Variants in SYNPO observed in about 807,000 individuals in gnomAD.
The protein encoded by SYNPO is synaptopodin.
A neutral mutation model predicts 49.5 loss-of-function variants in SYNPO; 19 were observed. The observed-to-expected ratio is 0.38, with a 90% CI of 0.27 to 0.56. The LOEUF (loss-of-function observed/expected upper bound fraction) is 0.56, where lower values mean the gene tolerates loss of function less well. SYNPO is among the 20% of genes least tolerant of loss of function. The probability of loss-of-function intolerance (pLI) is 0.68; values close to 1 mark genes in which losing one functional copy is unlikely to be tolerated. For synonymous variants in SYNPO, 536 were observed against 548.0 expected, an observed-to-expected ratio of 0.98 and a Z score of 0.31; for missense variants, 1,131 against 1,248.3, an observed-to-expected ratio of 0.91 and a Z score of 1.42.
At chr5:150,646,148 A>G (rs1348336349) in intron 1 of SYNPO, among the ~76,000 whole-genome samples, 1 of 150,332 alleles carries the variant, frequency 6.7e-6, no homozygotes, top group Non-Finnish European at 1.5e-5. Flanking sequence ...TGGGCAACAC[A>G]GGGAGACCCC....
chr5:150,633,151 CAG>C (rs2151389886), intron 2 of SYNPO, among the ~76,000 whole-genome samples: 1 of 152,292 alleles, frequency 6.6e-6, no homozygotes, highest in Non-Finnish European at 1.5e-5. Context: ...GTGGGGGAAA[CAG>C]GGTTCCTGCC....
chr5:150,617,365 G>A (rs975996213), intron 1 of SYNPO, among the ~76,000 whole-genome samples: 7 of 152,170 alleles, frequency 4.6e-5, no homozygotes, highest in East Asian at 1.9e-4. Flanking sequence ...GGGCGATCTC[G>A]GTTCACTGCA....
the SYNPO span, among the ~76,000 whole-genome samples, chr5:150,587,707 G>C: frequency 1.3e-5 from 2 of 152,168 alleles, no homozygotes; most frequent in Non-Finnish European, 2.9e-5. Context: ...GAGCAGATAG[G>C]CTCTGAGAAG....
chr5:150,617,179 G>A (rs903680256), intron 1 of SYNPO, among the ~76,000 whole-genome samples: 2 of 152,130 alleles, frequency 1.3e-5, no homozygotes, highest in East Asian at 1.9e-4. Context: ...TTTTACAGAC[G>A]GGGAAGTGGA....
At chr5:150,606,596 A>T (rs992006451) in intron 1 of SYNPO, among the ~76,000 whole-genome samples, 1 of 152,254 alleles carries the variant, frequency 6.6e-6, no homozygotes, top group African/African-American at 2.4e-5. Context: ...CATGGGGACC[A>T]GCACTTTCAC....
intron 1 of SYNPO, among the ~76,000 whole-genome samples, chr5:150,615,982 G>A (rs1333227789): frequency 6.6e-6 from 1 of 152,222 alleles, no homozygotes. Flanking sequence ...AGATAGAAGA[G>A]GTGCTTCTGT....
intron 2 of SYNPO, among the ~76,000 whole-genome samples, chr5:150,635,090 C>A (rs964352880): frequency 2.0e-5 from 3 of 152,238 alleles, no homozygotes; most frequent in East Asian, 3.8e-4. Flanking sequence ...TACCTGAAGA[C>A]GGGGCAGGCT....
chr5:150,656,773 C>T lies in SYNPO; in HGVS notation c.2398C>T (p.Pro800Ser). 5 of 1,238,774 alleles carry T rather than the reference C, an allele frequency of 4.0e-6. No individual in the cohort carries two copies. The highest frequency in any genetic ancestry group is 5.0e-6 in the Non-Finnish European group (5 of 996,522). The allele number at this position is 1,238,774 out of a possible 1,614,324, so 76.7% of individuals were successfully genotyped here. ...CCCGCCCCCGCCCCCGCCCCCGCCC[C>T]CGCGCATGCGCTCGCCACAGCCCGC... ...PPPPPPPPPP[P>S]RMRSPQPARP... is the part of the protein sequence containing the mutation. The change falls in exon 3 of 3, where the codon CCG becomes TCG. Residue 800 changes from proline to serine, a missense_variant. Pro to Ser is a moderately conservative substitution (Grantham distance 74). Coordinates refer to ENST00000307662, the MANE Select transcript of SYNPO (RefSeq NM_007286.6).
At chr5:150,641,833 G>A (rs921906783) in intron 1 of SYNPO, among the ~76,000 whole-genome samples, 5 of 152,248 alleles carry the variant, frequency 3.3e-5, no homozygotes, top group African/African-American at 1.2e-4. Flanking sequence ...TTTCAGGGGA[G>A]AAGACATTGC....
chr5:150,592,532 G>A, the SYNPO span, among the ~76,000 whole-genome samples: 1 of 152,180 alleles, frequency 6.6e-6, no homozygotes, highest in Non-Finnish European at 1.5e-5. Context: ...ACGCTAGTGT[G>A]GGAATCTGCA....
the SYNPO span, among the ~76,000 whole-genome samples, chr5:150,595,902 G>A: frequency 2.0e-5 from 3 of 147,736 alleles, no homozygotes; most frequent in East Asian, 4.2e-4. Context: ...TCGGCCCAAC[G>A]GAGCCAGGAA....
At position 150,656,733 on chromosome 5, in the gene SYNPO, G is replaced by C. The variant is rs923909181; in HGVS notation, c.2358G>C (p.Pro786=). 1 of 1,326,334 alleles carries C rather than the reference G, an allele frequency of 7.5e-7. No homozygotes were observed. The highest frequency in any genetic ancestry group is 9.6e-7 in the Non-Finnish European group (1 of 1,040,382). 82.2% of individuals were successfully genotyped at this position (1,326,334 alleles called of 1,614,324 possible). The change falls in exon 3 of 3, where the codon CCG becomes CCC. Residue 786 remains proline, a synonymous_variant. Coordinates refer to ENST00000307662, the MANE Select transcript of SYNPO (RefSeq NM_007286.6). ...GAENPRPFSP[P]RAPPPPPPPP... Reference sequence around the variant, plus strand: ...AGAACCCGCGGCCCTTCTCCCCGCCGAGGGCGCCACCGCCCCCGCCCCCGC... The same window carrying C: ...AGAACCCGCGGCCCTTCTCCCCGCCCAGGGCGCCACCGCCCCCGCCCCCGC...
intron 2 of SYNPO, chr5:150,651,154 G>A: frequency 1.9e-6 from 2 of 1,038,998 alleles, no homozygotes; most frequent in African/African-American, 3.4e-5. Flanking sequence ...TGCAGATGTG[G>A]GTGTGCCACA....
chr5:150,649,649 A>G lies in SYNPO; in HGVS notation c.1374A>G (p.Ser458=). 1 of 1,608,648 alleles carries G rather than the reference A, an allele frequency of 6.2e-7. No individual in the cohort carries two copies. The highest frequency in any genetic ancestry group is 8.5e-7 in the Non-Finnish European group (1 of 1,179,782). The change falls in exon 2 of 3, where the codon TCA becomes TCG. Residue 458 remains serine, a synonymous_variant. Coordinates refer to ENST00000307662, the MANE Select transcript of SYNPO (RefSeq NM_007286.6). The part of the protein sequence containing the change: ...VVPEWASCLK[S]PRIQAKPKPK... Reference sequence around the variant, plus strand: ...CAGAGTGGGCCTCCTGCCTCAAGTCACCCCGCATCCAGGCCAAGCCGAAGC... The same window carrying G: ...CAGAGTGGGCCTCCTGCCTCAAGTCGCCCCGCATCCAGGCCAAGCCGAAGC...
upstream of SYNPO, among the ~76,000 whole-genome samples, chr5:150,599,695 C>A (rs1261821655): frequency 6.6e-6 from 1 of 152,130 alleles, no homozygotes; most frequent in East Asian, 1.9e-4. Flanking sequence ...TACTGTGAGC[C>A]TGGGGGTCGG....
rs1438627418 is a variant in SYNPO, at chr5:150,656,531, C to A, written c.2156C>A (p.Pro719His). 2 of 1,528,868 alleles carry A rather than the reference C, an allele frequency of 1.3e-6. No individual in the cohort carries two copies. The highest frequency in any genetic ancestry group is 2.4e-5 in the South Asian group (2 of 83,524). 94.7% of individuals were successfully genotyped at this position (1,528,868 alleles called of 1,614,324 possible). A position where few individuals can be genotyped will look rare whatever the true frequency, so the allele number is the denominator to read the frequency against. ...EPGRGSSMSS[P>H]PPLPPPPPMS... Reference sequence around the variant, plus strand: ...GGTCGCGGGAGCAGCATGAGCAGCCCCCCGCCGCTGCCGCCGCCACCGCCC... The same window carrying A: ...GGTCGCGGGAGCAGCATGAGCAGCCACCCGCCGCTGCCGCCGCCACCGCCC... The change falls in exon 3 of 3, where the codon CCC (proline) becomes CAC (histidine). Residue 719 changes from proline (P) to histidine (H), a missense_variant. Coordinates refer to ENST00000307662, the MANE Select transcript of SYNPO (RefSeq NM_007286.6).
rs771532646 is a variant in SYNPO, at chr5:150,650,211, T to A, written c.1936T>A (p.Ser646Thr). The change falls in exon 2 of 3, where the codon TCC becomes ACC. Residue 646 changes from serine to threonine, a missense_variant. Coordinates refer to ENST00000307662, the MANE Select transcript of SYNPO (RefSeq NM_007286.6). ...GAGCCCTCCTTACGGCGGTGACATC[T>A]CCCCCGTGTCTCCCTCCAGGGCGTG... ...AVSPPYGGDI[S>T]PVSPSRAWSP... The A allele has an allele frequency of 1.9e-6, 3 of 1,613,482 alleles. No individual in the cohort carries two copies. Among genetic ancestry groups the A allele is most frequent in the Non-Finnish European group, 2.5e-6 (3 of 1,179,936 alleles).
upstream of SYNPO, among the ~76,000 whole-genome samples, chr5:150,596,975 G>A (rs1241305913): frequency 6.6e-6 from 1 of 152,242 alleles, no homozygotes; most frequent in African/African-American, 2.4e-5. Context: ...AACCTAGATG[G>A]TAGGACTGGC....
chr5:150,638,882 G>A (rs1453781861), upstream of SYNPO, among the ~76,000 whole-genome samples: 1 of 152,220 alleles, frequency 6.6e-6, no homozygotes, highest in African/African-American at 2.4e-5. Context: ...GCTGGGGCTG[G>A]GGAGAGTGAA....
Sources: allele counts gnomAD v4.1 joint callset (sites outside exome capture counted in the v4.1 genomes callset), GRCh38; gene constraint gnomAD v4.1.1; transcripts MANE v1.5; gene names NCBI Gene and HGNC (gene_info 2026-07-23, HGNC 2026-07-21).